TRDMT1: variants seen among roughly 807,000 people sequenced by gnomAD.
TRDMT1 encodes the protein tRNA aspartic acid methyltransferase 1, also known as tRNA (cytosine(38)-C(5))-methyltransferase.
In TRDMT1, 49 loss-of-function variants were observed where a neutral mutation model predicts 51.2. The ratio of observed to expected loss-of-function variants is 0.96; its 90% CI spans 0.76 to 1.21. TRDMT1 has a LOEUF of 1.21. Among genes scored for constraint, TRDMT1 ranks in the 50% most tolerant of loss-of-function variants. The pLI, the probability that TRDMT1 is intolerant of heterozygous loss-of-function variation, is 0.00. For missense variants in TRDMT1, 534 were observed against 462.3 expected (o/e 1.16, Z -1.42); for synonymous variants, 187 against 164.6 (o/e 1.14, Z -1.04).
At chr10:17,176,652 T>C (rs1396634323) in intron 1 of TRDMT1, among the ~76,000 whole-genome samples, 2 of 152,218 alleles carry the variant, frequency 1.3e-5, no homozygotes, top group African/African-American at 4.8e-5. Flanking sequence ...ACTAAGATAT[T>C]ACTGACACTA....
intron 10 of TRDMT1, chr10:17,152,132 A>G (rs1435112756): frequency 1.6e-6 from 2 of 1,260,544 alleles, no homozygotes. Context: ...GTAGCTAGGA[A>G]AGCAGACTAG....
At chr10:17,185,914 G>C (rs948526153) in intron 1 of TRDMT1, among the ~76,000 whole-genome samples, 9 of 151,960 alleles carry the variant, frequency 5.9e-5, no homozygotes, top group African/African-American at 2.2e-4. Flanking sequence ...GTGGGGTGCG[G>C]GGAGGAAGGA....
intron 3 of TRDMT1, among the ~76,000 whole-genome samples, chr10:17,165,696 A>G (rs1358258512): frequency 6.6e-6 from 1 of 152,266 alleles, no homozygotes; most frequent in Non-Finnish European, 1.5e-5. Flanking sequence ...AAACCCCATC[A>G]AAAAGTGAGC....
Position 17,149,027 on chromosome 10 carries a change from A to G in TRDMT1, c.*13T>C. The G allele has an allele frequency of 6.3e-7, 1 of 1,591,184 alleles. No individual in the cohort carries two copies. The highest frequency in any genetic ancestry group is 1.1e-5 in the South Asian group (1 of 87,816). Reference sequence around the variant, plus strand: ...GGAATATCATATGACCATCTTTCAGAGTTATTTCAAAATTATTCATATAAG... The same window carrying G: ...GGAATATCATATGACCATCTTTCAGGGTTATTTCAAAATTATTCATATAAG... On this transcript the variant is annotated 3_prime_UTR_variant, in exon 11 of 11. Coordinates refer to ENST00000377799, the MANE Select transcript of TRDMT1 (RefSeq NM_004412.7).
At chr10:17,151,643 A>C in intron 10 of TRDMT1, 1 of 971,268 alleles carries the variant, frequency 1.0e-6, no homozygotes, top group Non-Finnish European at 1.2e-6. Flanking sequence ...TCTAAGTATT[A>C]TACATATATA....
chr10:17,189,184 A>G (rs1413552762), intron 1 of TRDMT1, among the ~76,000 whole-genome samples: 4 of 152,170 alleles, frequency 2.6e-5, no homozygotes, highest in African/African-American at 9.6e-5. Flanking sequence ...TGAATATCTC[A>G]TATAGAAGAA....
rs1488425246 is a variant in TRDMT1 at position 17,138,800 on chromosome 10, A to G, written c.*10240T>C. 6.6e-6 allele frequency among the ~76,000 whole-genome samples: 1 copy of G among 152,046 alleles called. No individual in the cohort carries two copies. Among genetic ancestry groups the G allele is most frequent in the African/African-American group, 2.4e-5 (1 of 41,390 alleles). On this transcript the variant is annotated 3_prime_UTR_variant, in exon 11 of 11. Transcript: ENST00000377799. ...TAATATAATCCCTTCATAAACAATG[A>G]GAAAAAAATAACGAAATTCAAATCC...
rs1175014153 is a variant in TRDMT1 at position 17,141,046 on chromosome 10, C to T, written c.*7994G>A. Among the ~76,000 whole-genome samples, 1 of 152,234 alleles carries T rather than the reference C, an allele frequency of 6.6e-6. No homozygotes were observed. Among genetic ancestry groups the T allele is most frequent in the Non-Finnish European group, 1.5e-5 (1 of 68,042 alleles). On this transcript the variant is annotated 3_prime_UTR_variant, in exon 11 of 11. Transcript: ENST00000377799. The stretch of plus-strand genomic sequence containing the variant: ...GGATAGTTTGGCTAGATATAGAATT[C>T]ATAGTTGACAATGCCACCTCCTTCT...
chr10:17,142,313 G>T lies in TRDMT1; in HGVS notation c.*6727C>A, dbSNP rs1588677275. Reference sequence around the variant, plus strand: ...ATTTGTGTTTAGCATGCAAGCCCTGGCTTAGTTTTTGTGGGCTATGAGTCC... The same window carrying T: ...ATTTGTGTTTAGCATGCAAGCCCTGTCTTAGTTTTTGTGGGCTATGAGTCC... On this transcript the variant is annotated 3_prime_UTR_variant, in exon 11 of 11. Coordinates refer to ENST00000377799, the MANE Select transcript of TRDMT1 (RefSeq NM_004412.7). The T allele has an allele frequency of 6.6e-6, 1 of 152,138 alleles. No individual in the cohort carries two copies. Among genetic ancestry groups the T allele is most frequent in the Non-Finnish European group, 1.5e-5 (1 of 68,038 alleles). The allele number at this position is 152,138 out of a possible 1,614,324, so 9.4% of individuals were successfully genotyped here. A position where few individuals can be genotyped will look rare whatever the true frequency, so the allele number is the denominator to read the frequency against.
At chr10:17,198,934 G>A (rs1197490980) in intron 1 of TRDMT1, among the ~76,000 whole-genome samples, 2 of 152,172 alleles carry the variant, frequency 1.3e-5, no homozygotes, top group South Asian at 4.1e-4. Context: ...GAAGTTAGTA[G>A]TTCTAACCAG....
chr10:17,161,935 A>T (rs7912093), intron 4 of TRDMT1, among the ~76,000 whole-genome samples: 41,167 of 152,156 alleles, frequency 0.27, 5,865 homozygotes, highest in Middle Eastern at 0.36. Flanking sequence ...GAGGCAGCAG[A>T]ATCTAGCTAG....
chr10:17,190,157 G>C (rs1844491886), intron 1 of TRDMT1, among the ~76,000 whole-genome samples: 1 of 152,116 alleles, frequency 6.6e-6, no homozygotes, highest in African/African-American at 2.4e-5. Context: ...CTAAAAATGA[G>C]ATATAATTTT....
chr10:17,163,738 C>T (rs1326906235), intron 3 of TRDMT1, among the ~76,000 whole-genome samples: 1 of 152,138 alleles, frequency 6.6e-6, no homozygotes, highest in East Asian at 1.9e-4. Context: ...ACTATAAACA[C>T]CTCTACACAA....
chr10:17,151,960 T>G (rs1012273218), intron 10 of TRDMT1: 2 of 1,260,780 alleles, frequency 1.6e-6, no homozygotes, highest in African/African-American at 1.6e-5. Context: ...CTGGGCTCTG[T>G]GCTCCTTACC....
chr10:17,160,472 G>GA (rs1165038837), intron 5 of TRDMT1, 98 bp from the exon 6 acceptor site: 2 of 799,206 alleles, frequency 2.5e-6, no homozygotes, highest in African/African-American at 3.6e-5. Context: ...TTGTTTTCTT[G>GA]TTTTTTTGGT....
chr10:17,151,384 C>T (rs1838714206), intron 10 of TRDMT1: 8 of 984,716 alleles, frequency 8.1e-6, no homozygotes, highest in Non-Finnish European at 9.6e-6. Context: ...AGCCCGCTAC[C>T]GCAGAATACA....
At chr10:17,158,278 G>GA in intron 7 of TRDMT1, among the ~76,000 whole-genome samples, 1 of 152,182 alleles carries the variant, frequency 6.6e-6, no homozygotes, top group South Asian at 2.1e-4. Context: ...AGTCCTATGG[G>GA]AAAAACTTGT....
intron 10 of TRDMT1, chr10:17,151,036 T>G: frequency 1.0e-6 from 1 of 967,008 alleles, no homozygotes; most frequent in Non-Finnish European, 1.2e-6. Context: ...CATCTGTGCA[T>G]ATTTCTTTAA....
intron 7 of TRDMT1, among the ~76,000 whole-genome samples, chr10:17,158,017 A>C (rs147147036): frequency 6.6e-6 from 1 of 152,286 alleles, no homozygotes; most frequent in East Asian, 1.9e-4. Context: ...TGTTTACAGT[A>C]TTTATTAATA....
Sources: allele counts gnomAD v4.1 joint callset (sites outside exome capture counted in the v4.1 genomes callset), GRCh38; gene constraint gnomAD v4.1.1; transcripts MANE v1.5; gene names NCBI Gene and HGNC (gene_info 2026-07-23, HGNC 2026-07-21).